LRRTM4: variants seen among roughly 807,000 people sequenced by gnomAD.
LRRTM4 encodes leucine-rich repeat transmembrane neuronal protein 4.
Under a neutral mutation model 47.6 loss-of-function variants are expected in LRRTM4, and 25 were observed. The observed-to-expected ratio is 0.53, with a 90% CI of 0.38 to 0.73. LRRTM4 has a LOEUF of 0.73. LRRTM4 is among the 30% of genes least tolerant of loss of function. LRRTM4 has a pLI of 0.00. For synonymous variants in LRRTM4, 311 were observed against 269.5 expected (o/e 1.15, Z -1.51); for missense variants, 638 against 713.4 (o/e 0.89, Z 1.20).
chr2:76,921,588 G>A lies in LRRTM4; in HGVS notation c.1552-172672C>T, dbSNP rs377033149. On this transcript the variant is annotated intron_variant, in intron 3 of 3. Coordinates refer to ENST00000409884, the MANE Select transcript of LRRTM4 (RefSeq NM_001134745.3). ...TAGAATTTTTCTGTATGGAATATTT[G>A]TTTCTATCTCTCATTTATTTATCCC... Among the ~76,000 whole-genome samples the A allele has an allele frequency of 1.3e-4, 20 of 152,018 alleles. No homozygotes were observed. The East Asian group carries it at 1.9e-3, about 15-fold the overall frequency.
intron 3 of LRRTM4, among the ~76,000 whole-genome samples, chr2:77,150,789 A>T (rs1672396279): frequency 6.6e-6 from 1 of 152,130 alleles, no homozygotes; most frequent in Admixed American, 6.6e-5. Flanking sequence ...AATAAATTAA[A>T]ATAATATTGC....
At chr2:77,491,211 G>A (rs1325208438) in intron 3 of LRRTM4, among the ~76,000 whole-genome samples, 3 of 151,998 alleles carry the variant, frequency 2.0e-5, no homozygotes, top group Non-Finnish European at 4.4e-5. Flanking sequence ...TGACACAGAA[G>A]AAAACTTTTT....
chr2:76,877,663 AT>A (rs1469452275), intron 3 of LRRTM4, among the ~76,000 whole-genome samples: 2 of 152,138 alleles, frequency 1.3e-5, no homozygotes, highest in African/African-American at 4.8e-5. Flanking sequence ...TAGAAATTCT[AT>A]TTTCTTATGA....
chr2:76,968,376 A>ATATATATG (rs1676105326), intron 3 of LRRTM4, among the ~76,000 whole-genome samples: 1 of 138,736 alleles, frequency 7.2e-6, no homozygotes, highest in South Asian at 2.3e-4. Context: ...ATATATATAT[A>ATATATATG]TATATATACA....
At chr2:77,308,823 A>G (rs73943847) in intron 3 of LRRTM4, among the ~76,000 whole-genome samples, 33 of 149,946 alleles carry the variant, frequency 2.2e-4, no homozygotes, top group African/African-American at 7.4e-4. Flanking sequence ...AGCAGCCTCT[A>G]TCCAATTATG....
chr2:76,904,886 G>A (rs988529214), intron 3 of LRRTM4, among the ~76,000 whole-genome samples: 1 of 152,198 alleles, frequency 6.6e-6, no homozygotes, highest in Admixed American at 6.5e-5. Context: ...ATTCTTGGGG[G>A]AGGAGCCAAG....
rs979095639 is a variant in LRRTM4 at position 77,096,289 on chromosome 2, CTG to C, written c.1552-347375_1552-347374del. Among the ~76,000 whole-genome samples, 16 of 151,438 alleles carry C rather than the reference CTG, an allele frequency of 1.1e-4. 1 individual carries two copies. Among genetic ancestry groups the C allele is most frequent in the Admixed American group, 8.5e-4 (13 of 15,240 alleles). On this transcript the variant is annotated intron_variant, in intron 3 of 3. Coordinates refer to ENST00000409884, the MANE Select transcript of LRRTM4 (RefSeq NM_001134745.3). ...AATGCCTTCAAAATTTTGGAAAAAA[CTG>C]TCGTAATTTAAATATGTTCATGTAT...
intron 3 of LRRTM4, among the ~76,000 whole-genome samples, chr2:77,192,990 C>A (rs1455843704): frequency 2.0e-5 from 3 of 151,912 alleles, no homozygotes; most frequent in African/African-American, 7.3e-5. Flanking sequence ...AAGGACGTTT[C>A]TGTCAAGGAA....
In LRRTM4 at chr2:76,779,472, T is replaced by C. The variant is rs544386516; in HGVS notation, c.1552-30556A>G. 2.6e-4 allele frequency among the ~76,000 whole-genome samples: 38 copies of C among 147,300 alleles called. 1 individual carries two copies. In the South Asian group the frequency reaches 7.8e-3, roughly 30 times the overall value. ...GTATTGGGTGCATATATATTTAGGA[T>C]AGTTAGCTCTTCTTGTTGAATTGAT... On this transcript the variant is annotated intron_variant, in intron 3 of 3. Coordinates refer to ENST00000409884, the MANE Select transcript of LRRTM4 (RefSeq NM_001134745.3).
chr2:77,062,478 T>C (rs1679817785), intron 3 of LRRTM4, among the ~76,000 whole-genome samples: 1 of 152,182 alleles, frequency 6.6e-6, no homozygotes, highest in African/African-American at 2.4e-5. Flanking sequence ...ATAATTTTAA[T>C]CAGTGTTTAA....
intron 3 of LRRTM4, among the ~76,000 whole-genome samples, chr2:76,816,493 C>T (rs1158095202): frequency 2.0e-5 from 3 of 152,080 alleles, no homozygotes; most frequent in Middle Eastern, 3.2e-3. Flanking sequence ...ATATTCACAC[C>T]TATCATTTAT....
chr2:76,809,269 C>T (rs1222524612), intron 3 of LRRTM4, among the ~76,000 whole-genome samples: 1 of 152,168 alleles, frequency 6.6e-6, no homozygotes, highest in African/African-American at 2.4e-5. Context: ...GTAAGCTTTA[C>T]ACCTTATAAA....
At chr2:77,434,925 T>G (rs2103913872) in intron 3 of LRRTM4, among the ~76,000 whole-genome samples, 1 of 152,224 alleles carries the variant, frequency 6.6e-6, no homozygotes, top group African/African-American at 2.4e-5. Flanking sequence ...TATTGAAGGT[T>G]GTGTTTCCAC....
chr2:76,931,448 C>A (rs540105971), intron 3 of LRRTM4, among the ~76,000 whole-genome samples: 15 of 152,142 alleles, frequency 9.9e-5, no homozygotes, highest in African/African-American at 3.6e-4. Context: ...TCTTCCTTGA[C>A]CTTTCTCACA....
chr2:76,860,051 G>C (rs895950560), intron 3 of LRRTM4, among the ~76,000 whole-genome samples: 1 of 152,052 alleles, frequency 6.6e-6, no homozygotes, highest in Admixed American at 6.6e-5. Flanking sequence ...AATACAGAAA[G>C]GCCTGGGAAT....
chr2:77,103,082 C>T (rs1670999890), intron 3 of LRRTM4, among the ~76,000 whole-genome samples: 1 of 152,078 alleles, frequency 6.6e-6, no homozygotes, highest in African/African-American at 2.4e-5. Context: ...ATTGATTTCA[C>T]ATATTACCTC....
At chr2:77,215,378 C>T (rs908809229) in intron 3 of LRRTM4, among the ~76,000 whole-genome samples, 2 of 152,034 alleles carry the variant, frequency 1.3e-5, no homozygotes, top group Non-Finnish European at 2.9e-5. Context: ...GTACATTGTC[C>T]CAAAATGCAC....
At chr2:77,138,816 A>T (rs1165322397) in intron 3 of LRRTM4, among the ~76,000 whole-genome samples, 1 of 152,200 alleles carries the variant, frequency 6.6e-6, no homozygotes. Context: ...ACAGAAATAT[A>T]AATTACCATC....
chr2:77,437,413 T>C (rs1255728470), intron 3 of LRRTM4, among the ~76,000 whole-genome samples: 2 of 152,074 alleles, frequency 1.3e-5, no homozygotes, highest in Non-Finnish European at 2.9e-5. Flanking sequence ...TCAACCCCAC[T>C]GACTTTTTAA....
Sources: gnomAD v4.1 joint callset for allele counts (sites outside exome capture counted in the v4.1 genomes callset) on GRCh38, gnomAD v4.1.1 for gene constraint, MANE v1.5 for transcripts, NCBI Gene and HGNC (gene_info 2026-07-23, HGNC 2026-07-21) for gene names.